The following RGS22 variants were observed in gnomAD, a reference collection of about 807,000 sequenced individuals.
The protein encoded by RGS22 is regulator of G protein signaling 22.
A neutral mutation model predicts 172.9 loss-of-function variants in RGS22; 148 were observed. The observed-to-expected ratio is 0.86, with a 90% CI of 0.75 to 0.98. RGS22 has a LOEUF of 0.98. Among genes scored for constraint, RGS22 ranks in the 50% least tolerant of loss-of-function variants. The pLI is 0.00. For synonymous variants in RGS22, 458 were observed against 480.2 expected, an observed-to-expected ratio of 0.95 and a Z score of 0.60; for missense variants, 1,347 against 1,440.8, an observed-to-expected ratio of 0.93 and a Z score of 1.05.
At chr8:99,992,452 G>A (rs980793143) in intron 20 of RGS22, among the ~76,000 whole-genome samples, 7 of 152,100 alleles carry the variant, frequency 4.6e-5, no homozygotes, top group Non-Finnish European at 1.0e-4. Context: ...GCAAAAAAAA[G>A]CAGGGTTTGC....
chr8:100,059,314 C>T (rs983813929), intron 9 of RGS22, among the ~76,000 whole-genome samples: 4 of 151,906 alleles, frequency 2.6e-5, no homozygotes, highest in African/African-American at 7.3e-5. Flanking sequence ...TGTAAATGGG[C>T]TAAACTCTCC....
intron 3 of RGS22, among the ~76,000 whole-genome samples, chr8:100,082,895 G>A (rs1811869040): frequency 1.3e-5 from 2 of 152,214 alleles, no homozygotes; most frequent in Admixed American, 6.5e-5. Flanking sequence ...GCAACATGGT[G>A]TATGTGGGTA....
At chr8:100,084,116 C>T (rs1488816100) in intron 3 of RGS22, among the ~76,000 whole-genome samples, 3 of 152,140 alleles carry the variant, frequency 2.0e-5, no homozygotes, top group Admixed American at 2.0e-4. Context: ...GGATTACAGG[C>T]GTGAGCCACC....
chr8:100,032,010 G>C (rs1347774610), intron 14 of RGS22, among the ~76,000 whole-genome samples: 2 of 152,102 alleles, frequency 1.3e-5, no homozygotes, highest in East Asian at 3.9e-4. Flanking sequence ...AAGAACTCCT[G>C]AAGGAAGCAC....
intron 14 of RGS22, among the ~76,000 whole-genome samples, chr8:100,021,466 T>C (rs190994262): frequency 6.6e-4 from 100 of 152,328 alleles, no homozygotes; most frequent in Middle Eastern, 3.4e-3. Context: ...GAAAATCTTA[T>C]TAGCTTGGCC....
intron 3 of RGS22, among the ~76,000 whole-genome samples, chr8:100,088,203 C>T (rs1246493820): frequency 6.6e-6 from 1 of 151,694 alleles, no homozygotes; most frequent in Non-Finnish European, 1.5e-5. Context: ...AGAATCAGTC[C>T]AAAAAAAGAA....
chr8:99,965,504 T>C (rs1810638772), intron 23 of RGS22, 74 bp from the exon 24 acceptor site: 1 of 1,083,124 alleles, frequency 9.2e-7, no homozygotes, highest in Non-Finnish European at 1.4e-6. Flanking sequence ...GGCTAAGGAG[T>C]TATAACATCA....
At chr8:100,096,380 A>G (rs1298924193) in intron 2 of RGS22, among the ~76,000 whole-genome samples, 1 of 152,214 alleles carries the variant, frequency 6.6e-6, no homozygotes, top group South Asian at 2.1e-4. Flanking sequence ...GAATGAAGGT[A>G]GGAACACTTC....
intron 2 of RGS22, among the ~76,000 whole-genome samples, chr8:100,096,078 C>A (rs537382280): frequency 6.6e-6 from 1 of 152,186 alleles, no homozygotes; most frequent in Admixed American, 6.5e-5. Context: ...GTCTTGTAAA[C>A]CCATGAGTAT....
intron 24 of RGS22, 86 bp from the exon 25 acceptor site, chr8:99,963,064 C>T: frequency 9.3e-7 from 1 of 1,071,582 alleles, no homozygotes; most frequent in Non-Finnish European, 1.3e-6. Context: ...TCAGCCTCTT[C>T]ATTTAAATTT....
chr8:100,024,466 T>C (rs1478070710), intron 14 of RGS22, among the ~76,000 whole-genome samples: 1 of 152,078 alleles, frequency 6.6e-6, no homozygotes, highest in Non-Finnish European at 1.5e-5. Context: ...GTTCATGAAT[T>C]TTTTCAATAC....
At chr8:100,053,446 A>AAGGGAGCG (rs1554627425) in intron 9 of RGS22, among the ~76,000 whole-genome samples, 1 of 108,824 alleles carries the variant, frequency 9.2e-6, no homozygotes, top group African/African-American at 3.7e-5. Context: ...GGAAGGAAGG[A>AAGGGAGCG]AGGGAGGGAG....
chr8:100,098,820 G>T (rs1813187373), intron 2 of RGS22, among the ~76,000 whole-genome samples: 1 of 147,756 alleles, frequency 6.8e-6, no homozygotes, highest in African/African-American at 2.5e-5. Context: ...ATGCTCCCCT[G>T]CCCCTGACCC....
rs1347796050 is a variant in RGS22, at chr8:100,051,689, ATATT to A, written c.1689+1109_1689+1112del. On this transcript the variant is annotated intron_variant, in intron 10 of 27. Coordinates refer to ENST00000360863, the MANE Select transcript of RGS22 (RefSeq NM_015668.5). ...TATTTATATATGTTTATACATATAT[ATATT>A]TATATATACGTATATATAAATATAT... Among the ~76,000 whole-genome samples the A allele has an allele frequency of 7.4e-4, 28 of 37,972 alleles. 8 individuals are homozygous for A. Among genetic ancestry groups the A allele is most frequent in the African/African-American group, 5.7e-3 (27 of 4,740 alleles). The allele number at this position is 37,972 out of a possible 152,430, so 24.9% of individuals were successfully genotyped here. A position where few individuals can be genotyped will look rare whatever the true frequency, so the allele number is the denominator to read the frequency against.
intron 1 of RGS22, 182 bp downstream of exon 1, chr8:100,105,715 A>G (rs1813882396): frequency 3.5e-6 from 2 of 569,436 alleles, no homozygotes; most frequent in East Asian, 6.7e-5. Context: ...TGGTGCCAGC[A>G]TAAACCGGCG....
At chr8:99,965,500 G>A in intron 23 of RGS22, 70 bp from the exon 24 acceptor site, 1 of 1,156,784 alleles carries the variant, frequency 8.6e-7, no homozygotes, top group Admixed American at 2.0e-5. Context: ...TTATGGCTAA[G>A]GAGTTATAAC....
intron 14 of RGS22, among the ~76,000 whole-genome samples, chr8:100,022,033 G>C (rs1475572924): frequency 6.6e-6 from 1 of 152,076 alleles, no homozygotes; most frequent in Non-Finnish European, 1.5e-5. Flanking sequence ...GATTTTTAAT[G>C]ACCTCTCATA....
At position 100,043,208 on chromosome 8, in the gene RGS22, C is replaced by G. The variant is rs114171508; in HGVS notation, c.1824-1292G>C. 6.6e-3 allele frequency among the ~76,000 whole-genome samples: 1,005 copies of G among 152,298 alleles called. 15 individuals carry two copies. Among genetic ancestry groups the G allele is most frequent in the African/African-American group, 0.022 (925 of 41,566 alleles). On this transcript the variant is annotated intron_variant, in intron 11 of 27. Coordinates refer to ENST00000360863, the MANE Select transcript of RGS22 (RefSeq NM_015668.5). Reference sequence around the variant, plus strand: ...CAGCTGAAATCATTCTTGGTATGAACAACAAACATATCCACCTGTACCCAT... The same window carrying G: ...CAGCTGAAATCATTCTTGGTATGAAGAACAAACATATCCACCTGTACCCAT...
intron 14 of RGS22, chr8:100,038,712 GAAAAT>G (rs1416898817): frequency 2.7e-6 from 1 of 369,126 alleles, no homozygotes; most frequent in Non-Finnish European, 4.8e-6. Flanking sequence ...GTTGGCAAGA[GAAAAT>G]AAAGCAAACC....
Sources: gnomAD v4.1 joint callset for allele counts (sites outside exome capture counted in the v4.1 genomes callset) on GRCh38, gnomAD v4.1.1 for gene constraint, MANE v1.5 for transcripts, NCBI Gene and HGNC (gene_info 2026-07-23, HGNC 2026-07-21) for gene names.